Variants in ACSM1 observed in about 807,000 individuals in gnomAD.
The protein encoded by ACSM1 is acyl-coenzyme A synthetase ACSM1, mitochondrial.
ACSM1 carries 79 observed loss-of-function variants against 75.8 expected under a neutral mutation model. The observed-to-expected ratio is 1.04, with a 90% CI of 0.87 to 1.26. The LOEUF is 1.26. Among genes scored for constraint, ACSM1 ranks in the 50% most tolerant of loss-of-function variants. The probability of loss-of-function intolerance (pLI) is 0.00; values close to 1 mark genes in which losing one functional copy is unlikely to be tolerated. For missense variants in ACSM1, 676 were observed against 720.1 expected, an observed-to-expected ratio of 0.94 and a Z score of 0.70; for synonymous variants, 279 against 265.8, an observed-to-expected ratio of 1.05 and a Z score of -0.48.
intron 6 of ACSM1, among the ~76,000 whole-genome samples, chr16:20,666,188 A>G (rs1055294416): frequency 1.1e-4 from 17 of 152,278 alleles, no homozygotes; most frequent in African/African-American, 4.1e-4. Flanking sequence ...AAGTCAAACT[A>G]TCTCTTTTTG....
Position 20,670,313 on chromosome 16 carries a change from T to G in ACSM1, c.753-327A>C, listed in dbSNP as rs564695445. Among the ~76,000 whole-genome samples the G allele has an allele frequency of 7.9e-4, 121 of 152,306 alleles. No individual in the cohort carries two copies. The Middle Eastern group carries it at 0.01, about 13-fold the overall frequency. On this transcript the variant is annotated intron_variant, in intron 5 of 13. Transcript: ENST00000520010. Reference sequence around the variant, plus strand: ...AACCTTGACCTCCTCCCATCTCCCATGTTTAACCAGCAGATCTGGTCCACT... The same window carrying G: ...AACCTTGACCTCCTCCCATCTCCCAGGTTTAACCAGCAGATCTGGTCCACT...
chr16:20,691,000 C>T lies in ACSM1; in HGVS notation c.189G>A (p.Glu63=), dbSNP rs2079642972. 4 of 1,608,818 alleles carry T rather than the reference C, an allele frequency of 2.5e-6. No homozygotes were observed. The highest frequency in any genetic ancestry group is 2.2e-5 in the East Asian group (1 of 44,538). ...SYVLDYWAQK[E]KEGKRGPNPA... The stretch of plus-strand genomic sequence containing the variant: ...GCCATCACGGCAGATCTCTTACCTT[C>T]TCCTTTTGAGCCCAGTAGTCCAGTA... The change falls in exon 2 of 14, where the codon GAG becomes GAA. Residue 63 remains glutamate, a synonymous_variant. Transcript: ENST00000520010.
intron 10 of ACSM1, among the ~76,000 whole-genome samples, chr16:20,627,594 G>A (rs1426423594): frequency 6.6e-6 from 1 of 152,070 alleles, no homozygotes; most frequent in Non-Finnish European, 1.5e-5. Context: ...ACTTTGGGAG[G>A]CTGAGGTGGG....
At chr16:20,685,432 T>A (rs1466645922) in intron 2 of ACSM1, 29 bp from the exon 3 acceptor site, 1 of 1,609,930 alleles carries the variant, frequency 6.2e-7, no homozygotes, top group Non-Finnish European at 8.5e-7. Flanking sequence ...TATGTGTTAT[T>A]TTCTGCTTCA....
chr16:20,685,062 C>G (rs2079521799), intron 3 of ACSM1, 131 bp downstream of exon 3: 1 of 908,674 alleles, frequency 1.1e-6, no homozygotes, highest in Non-Finnish European at 1.7e-6. Flanking sequence ...TTTGTGGTCC[C>G]AGCACAGAAA....
rs200585527 is a variant in ACSM1, at chr16:20,637,372, T to C, written c.1196A>G (p.Gln399Arg). ...CTGCCAATGCCCTTAGGACCAGACCTGGACGTCGTAGGGTGGAGTGGCCTT... is the reference window on the plus strand; with the variant it reads ...CTGCCAATGCCCTTAGGACCAGACCCGGACGTCGTAGGGTGGAGTGGCCTT... ...MGKATPPYDV[Q>R]VIDDKGSILP... Residue 399 changes from glutamine to arginine, a missense_variant and splice_region_variant, in exon 9 of 14, where the codon CAG (glutamine) becomes CGG (arginine). Transcript: ENST00000520010. 4.7e-5 allele frequency: 76 copies of C among 1,614,022 alleles called. No homozygotes were observed. In the East Asian group the frequency reaches 1.4e-3, roughly 30 times the overall value.
At chr16:20,689,128 C>G (rs1052839089) in intron 2 of ACSM1, among the ~76,000 whole-genome samples, 1 of 151,114 alleles carries the variant, frequency 6.6e-6, no homozygotes, top group Non-Finnish European at 1.5e-5. Flanking sequence ...TGGGATAGAA[C>G]TGTAAAGGGG....
At chr16:20,660,787 C>T (rs1455594022) in intron 7 of ACSM1, among the ~76,000 whole-genome samples, 1 of 152,162 alleles carries the variant, frequency 6.6e-6, no homozygotes, top group South Asian at 2.1e-4. Flanking sequence ...CTAAAAGATA[C>T]ATAAATATCC....
At chr16:20,645,262 C>A (rs1048734259) in intron 7 of ACSM1, among the ~76,000 whole-genome samples, 1 of 152,028 alleles carries the variant, frequency 6.6e-6, no homozygotes, top group African/African-American at 2.4e-5. Flanking sequence ...GGTTATGCAC[C>A]CTGGAAAGGA....
chr16:20,673,911 G>A (rs2020111196), intron 4 of ACSM1: 1 of 284,132 alleles, frequency 3.5e-6, no homozygotes, highest in Admixed American at 4.6e-5. Flanking sequence ...GAGGAACATG[G>A]AAGGTTGACT....
rs1194394380 is a variant in ACSM1, at chr16:20,637,425, T to C, written c.1143A>G (p.Gly381=). 2 of 1,613,858 alleles carry C rather than the reference T, an allele frequency of 1.2e-6. No homozygotes were observed. Among genetic ancestry groups the C allele is most frequent in the African/African-American group, 2.7e-5 (2 of 74,868 alleles). ...ETGLICATYW[G]MKIKPGFMGK... ...CCATGAAACCCGGCTTGATCTTCATTCCCCAGTAGGTGGCACAAATTAGTC... is the reference window on the plus strand; with the variant it reads ...CCATGAAACCCGGCTTGATCTTCATCCCCCAGTAGGTGGCACAAATTAGTC... Residue 381 remains glycine (G), a synonymous_variant, in exon 9 of 14, where the codon GGA becomes GGG. Coordinates refer to ENST00000520010, the MANE Select transcript of ACSM1 (RefSeq NM_001318890.3).
intron 12 of ACSM1, among the ~76,000 whole-genome samples, chr16:20,624,746 G>A (rs559697175): frequency 2.6e-5 from 4 of 151,844 alleles, no homozygotes; most frequent in South Asian, 2.1e-4. Context: ...CCAGACTGGC[G>A]TGCAGTGGTG....
intron 7 of ACSM1, among the ~76,000 whole-genome samples, chr16:20,643,754 G>A (rs1315329036): frequency 1.3e-5 from 2 of 152,192 alleles, no homozygotes; most frequent in East Asian, 3.9e-4. Flanking sequence ...AGTGCTGATT[G>A]GTGCATTTAC....
At position 20,623,484 on chromosome 16, in the gene ACSM1, G is replaced by A. The variant is rs532926933; in HGVS notation, c.*2C>T. 40 of 1,613,882 alleles carry A rather than the reference G, an allele frequency of 2.5e-5. No individual in the cohort carries two copies. Among genetic ancestry groups the A allele is most frequent in the Admixed American group, 5.0e-5 (3 of 60,014 alleles). On this transcript the variant is annotated 3_prime_UTR_variant, in exon 14 of 14. Transcript: ENST00000520010. ...TGCAGTGCGTTCTGAGTTCACTGCCGATTACATCTGACCAGTCTCCTTTTT... is the reference window on the plus strand; with the variant it reads ...TGCAGTGCGTTCTGAGTTCACTGCCAATTACATCTGACCAGTCTCCTTTTT...
rs971709988 is a variant in ACSM1 at position 20,669,943 on chromosome 16, G to A, written c.796C>T (p.Leu266=). The change falls in exon 6 of 14, where the codon CTG becomes TTG. Residue 266 remains leucine (L), a synonymous_variant. Transcript: ENST00000520010. ...SLKTSDVSWC[L]SDSGWIVATI... is the part of the protein sequence containing the mutation. ...GCCACAATCCATCCTGAGTCCGACAGGCACCAGGAGACATCAGATGTCTTC... is the reference window on the plus strand; with the variant it reads ...GCCACAATCCATCCTGAGTCCGACAAGCACCAGGAGACATCAGATGTCTTC... 3 of 1,613,778 alleles carry A rather than the reference G, an allele frequency of 1.9e-6. No homozygotes were observed. The highest frequency in any genetic ancestry group is 2.2e-5 in the South Asian group (2 of 91,080).
chr16:20,671,731 G>C, intron 4 of ACSM1, 60 bp from the exon 5 acceptor site: 2 of 1,433,978 alleles, frequency 1.4e-6, no homozygotes, highest in Non-Finnish European at 1.8e-6. Context: ...TCATCTTCTG[G>C]GAATGCAAAA....
chr16:20,666,181 T>C (rs1002957595), intron 6 of ACSM1, among the ~76,000 whole-genome samples: 22 of 152,126 alleles, frequency 1.4e-4, no homozygotes, highest in African/African-American at 5.3e-4. Flanking sequence ...AGAAAAAAAG[T>C]CAAACTATCT....
intron 6 of ACSM1, among the ~76,000 whole-genome samples, chr16:20,665,716 C>A (rs10400933): frequency 1.3e-5 from 2 of 152,082 alleles, no homozygotes; most frequent in East Asian, 3.9e-4. Flanking sequence ...CCCTGATAAA[C>A]GTAGATGCAA....
intron 6 of ACSM1, among the ~76,000 whole-genome samples, chr16:20,668,118 A>G (rs1436820361): frequency 6.6e-6 from 1 of 152,176 alleles, no homozygotes; most frequent in African/African-American, 2.4e-5. Flanking sequence ...GAATCATGCA[A>G]TATACTCATG....
Sources: allele counts gnomAD v4.1 joint callset (sites outside exome capture counted in the v4.1 genomes callset), GRCh38; gene constraint gnomAD v4.1.1; transcripts MANE v1.5; gene names NCBI Gene and HGNC (gene_info 2026-07-23, HGNC 2026-07-21).